The following CCDC63 variants were observed in gnomAD, a reference collection of about 807,000 sequenced individuals.
CCDC63 encodes the protein coiled-coil domain-containing protein 63.
A neutral mutation model predicts 63.6 loss-of-function variants in CCDC63; 54 were observed. That is an observed-to-expected ratio of 0.85 (90% confidence interval 0.68 to 1.07). CCDC63 has a LOEUF of 1.07. Ranked by LOEUF, CCDC63 falls within the 50% of genes least tolerant of loss-of-function variation. The pLI is 0.00. For missense variants in CCDC63, 637 were observed against 689.6 expected (o/e 0.92, Z 0.86); for synonymous variants, 253 against 266.1 (o/e 0.95, Z 0.48).
rs1303071623 is a variant in CCDC63, at chr12:110,884,254, A to G, written c.1074+4A>G. 1.2e-6 allele frequency: 2 copies of G among 1,613,128 alleles called. No homozygotes were observed. Among genetic ancestry groups the G allele is most frequent in the Admixed American group, 3.3e-5 (2 of 60,004 alleles). On this transcript the variant is annotated splice_donor_region_variant and intron_variant, in intron 8 of 11. Coordinates refer to ENST00000308208, the MANE Select transcript of CCDC63 (RefSeq NM_152591.3). ...CAAGAGGACCCAACGAATCCAGGTC[A>G]GGGCGGCTCTGCTTTCCCAGGCCCT...
intron 4 of CCDC63, among the ~76,000 whole-genome samples, chr12:110,867,124 G>GA (rs1293619076): frequency 2.2e-5 from 3 of 138,770 alleles, no homozygotes; most frequent in African/African-American, 8.1e-5. Context: ...GGGCAGGGGG[G>GA]CTGACCCCCC....
chr12:110,891,480 G>A (rs1240838685), intron 8 of CCDC63, among the ~76,000 whole-genome samples: 2 of 151,390 alleles, frequency 1.3e-5, no homozygotes, highest in Admixed American at 6.6e-5. Context: ...GTGAGACTCC[G>A]TGTCTACAGA....
At chr12:110,866,955 C>T (rs1200110482) in intron 4 of CCDC63, among the ~76,000 whole-genome samples, 32 of 144,742 alleles carry the variant, frequency 2.2e-4, no homozygotes, top group African/African-American at 8.1e-4. Flanking sequence ...GGGCTGACCC[C>T]CCCACCTCCC....
At chr12:110,901,447 C>G (rs182707880) in intron 10 of CCDC63, among the ~76,000 whole-genome samples, 1 of 151,994 alleles carries the variant, frequency 6.6e-6, no homozygotes, top group Non-Finnish European at 1.5e-5. Context: ...AGGCTGGCCT[C>G]GAACCCCTGT....
chr12:110,852,980 C>T lies in CCDC63; in HGVS notation c.9+17C>T. 5.0e-6 allele frequency: 8 copies of T among 1,613,756 alleles called. No individual in the cohort carries two copies. Among genetic ancestry groups the T allele is most frequent in the Non-Finnish European group, 6.8e-6 (8 of 1,179,690 alleles). On this transcript the variant is annotated intron_variant, in intron 2 of 11. Coordinates refer to ENST00000308208, the MANE Select transcript of CCDC63 (RefSeq NM_152591.3). Reference sequence around the variant, plus strand: ...ATGTCTGTGGTAGGTGATGCCAGCTCCCAGCCACAGAGCACCTACTATGGG... The same window carrying T: ...ATGTCTGTGGTAGGTGATGCCAGCTTCCAGCCACAGAGCACCTACTATGGG...
At chr12:110,891,311 AAAACAAACAAAC>A (rs140894091) in intron 8 of CCDC63, among the ~76,000 whole-genome samples, 5,277 of 150,430 alleles carry the variant, frequency 0.035, 319 homozygotes, top group African/African-American at 0.12. Context: ...AGCTTGTCTC[AAAACAAACAAAC>A]AAACAAACAA....
At chr12:110,857,096 C>T (rs1265062944) in intron 3 of CCDC63, among the ~76,000 whole-genome samples, 5 of 151,738 alleles carry the variant, frequency 3.3e-5, no homozygotes, top group Admixed American at 6.6e-5. Flanking sequence ...TGAGCCACTG[C>T]GCCAGGCCTG....
At chr12:110,861,740 T>C (rs1236328429) in intron 4 of CCDC63, among the ~76,000 whole-genome samples, 2 of 151,378 alleles carry the variant, frequency 1.3e-5, no homozygotes, top group Non-Finnish European at 2.9e-5. Context: ...TTTTTTTTTT[T>C]TTTGTACTTT....
chr12:110,867,841 C>T, intron 4 of CCDC63, among the ~76,000 whole-genome samples: 1 of 151,716 alleles, frequency 6.6e-6, no homozygotes, highest in South Asian at 2.1e-4. Flanking sequence ...CAGAGGCGCC[C>T]CTCACCTCCC....
At chr12:110,877,643 C>G (rs1404050628) in intron 5 of CCDC63, among the ~76,000 whole-genome samples, 1 of 151,996 alleles carries the variant, frequency 6.6e-6, no homozygotes, top group Non-Finnish European at 1.5e-5. Flanking sequence ...CTTTCCCCCT[C>G]ACCCCCTCTG....
intron 3 of CCDC63, among the ~76,000 whole-genome samples, chr12:110,858,021 G>A (rs1255159866): frequency 2.0e-5 from 3 of 151,926 alleles, no homozygotes; most frequent in Non-Finnish European, 4.4e-5. Context: ...CAGGAGAATC[G>A]CTTGAACCTG....
chr12:110,883,098 C>T (rs528096694), intron 7 of CCDC63, among the ~76,000 whole-genome samples: 63 of 150,606 alleles, frequency 4.2e-4, no homozygotes, highest in African/African-American at 1.3e-3. Flanking sequence ...AGTGCAGTGG[C>T]GCAATCTCGG....
rs1249450918 is a variant in CCDC63 at position 110,880,005 on chromosome 12, C to G, written c.589C>G (p.Gln197Glu). 2 of 1,614,092 alleles carry G rather than the reference C, an allele frequency of 1.2e-6. No individual in the cohort carries two copies. The highest frequency in any genetic ancestry group is 1.7e-6 in the Non-Finnish European group (2 of 1,179,964). The part of the protein sequence containing the change: ...FEKAAYDNVY[Q>E]QLQHCLLMEK... ...GAAGGCTGCTTATGACAATGTCTAC[C>G]AGCAGCTCCAGCACTGCCTGTTGAT... Residue 197 changes from glutamine (Q) to glutamate (E), a missense_variant, in exon 6 of 12, where the codon CAG becomes GAG. Transcript: ENST00000308208.
chr12:110,853,901 C>T (rs1472383994), intron 3 of CCDC63, among the ~76,000 whole-genome samples: 1 of 152,228 alleles, frequency 6.6e-6, no homozygotes, highest in African/African-American at 2.4e-5. Flanking sequence ...TGTTCTCTCT[C>T]TCTCTGAATT....
chr12:110,870,136 G>A (rs1463713270), intron 4 of CCDC63, among the ~76,000 whole-genome samples: 1 of 152,178 alleles, frequency 6.6e-6, no homozygotes, highest in Non-Finnish European at 1.5e-5. Context: ...AGGCTGGAGT[G>A]CAATGGCATG....
At chr12:110,859,189 C>T (rs1195351388) in intron 4 of CCDC63, among the ~76,000 whole-genome samples, 1 of 152,186 alleles carries the variant, frequency 6.6e-6, no homozygotes, top group African/African-American at 2.4e-5. Flanking sequence ...TCTTCTCACA[C>T]TGGGACTAGG....
intron 8 of CCDC63, among the ~76,000 whole-genome samples, chr12:110,887,825 T>C (rs1458340863): frequency 6.6e-6 from 1 of 151,908 alleles, no homozygotes; most frequent in African/African-American, 2.4e-5. Context: ...TCTCATCTCT[T>C]GACCTCGTGA....
chr12:110,878,726 G>GCA (rs2071163337), intron 5 of CCDC63, among the ~76,000 whole-genome samples: 1 of 152,170 alleles, frequency 6.6e-6, no homozygotes, highest in African/African-American at 2.4e-5. Context: ...CTTACGAGGT[G>GCA]GTGATTTTAT....
intron 3 of CCDC63, among the ~76,000 whole-genome samples, chr12:110,854,579 G>A (rs1403042021): frequency 1.3e-5 from 2 of 152,090 alleles, no homozygotes; most frequent in Non-Finnish European, 2.9e-5. Context: ...ACAGGTGTGA[G>A]CCACCATGCC....
Sources: allele counts gnomAD v4.1 joint callset (sites outside exome capture counted in the v4.1 genomes callset), GRCh38; gene constraint gnomAD v4.1.1; transcripts MANE v1.5; gene names NCBI Gene and HGNC (gene_info 2026-07-23, HGNC 2026-07-21).